The following NDUFS6 variants were observed in gnomAD, a reference collection of about 807,000 sequenced individuals.
The protein encoded by NDUFS6 is NADH dehydrogenase [ubiquinone] iron-sulfur protein 6, mitochondrial.
In NDUFS6, 14 loss-of-function variants were observed where a neutral mutation model predicts 13.2. That is an observed-to-expected ratio of 1.06 (90% CI 0.70 to 1.66). The LOEUF (loss-of-function observed/expected upper bound fraction) is 1.66, where lower values mean the gene tolerates loss of function less well. Among genes scored for constraint, NDUFS6 ranks in the 40% most tolerant of loss-of-function variants. The pLI is 0.00. For missense variants in NDUFS6, 206 were observed against 170.8 expected, an observed-to-expected ratio of 1.21 and a Z score of -1.15; for synonymous variants, 95 against 72.3, an observed-to-expected ratio of 1.31 and a Z score of -1.60.
At position 1,809,436 on chromosome 5, in the gene NDUFS6, C is replaced by T. The variant is rs985827833; in HGVS notation, c.187-4903C>T. 6.6e-5 allele frequency among the ~76,000 whole-genome samples: 10 copies of T among 152,200 alleles called. No homozygotes were observed. In the South Asian group the frequency reaches 2.1e-3, roughly 32 times the overall value. On this transcript the variant is annotated intron_variant, in intron 2 of 3. Coordinates refer to ENST00000274137, the MANE Select transcript of NDUFS6 (RefSeq NM_004553.6). ...ACTGCCGGAGCTTGGCCGTGTGAAC[C>T]CGGAGCCGGGCTCTGTGTCGTGGCT...
intron 3 of NDUFS6, among the ~76,000 whole-genome samples, chr5:1,815,021 T>C (rs1332189708): frequency 6.6e-6 from 1 of 152,104 alleles, no homozygotes; most frequent in Admixed American, 6.5e-5. Context: ...CATCACCTCT[T>C]TAAAGGCCCC....
intron 2 of NDUFS6, among the ~76,000 whole-genome samples, chr5:1,809,380 G>T (rs1265594865): frequency 2.0e-5 from 3 of 152,204 alleles, no homozygotes; most frequent in Non-Finnish European, 4.4e-5. Context: ...TGAACCCAGA[G>T]CGGGGCTTTG....
chr5:1,807,710 T>C (rs1734149211), intron 2 of NDUFS6, among the ~76,000 whole-genome samples: 1 of 152,190 alleles, frequency 6.6e-6, no homozygotes, highest in South Asian at 2.1e-4. Flanking sequence ...GGAAGAAACT[T>C]GTGACATCTT....
intron 2 of NDUFS6, among the ~76,000 whole-genome samples, chr5:1,807,959 C>T (rs765280323): frequency 2.6e-5 from 4 of 152,154 alleles, no homozygotes; most frequent in South Asian, 2.1e-4. Context: ...CTTGTGGTGC[C>T]GCTGGAGCTC....
chr5:1,801,573 G>T (rs745820468), intron 1 of NDUFS6, 24 bp downstream of exon 1: 1 of 1,560,426 alleles, frequency 6.4e-7, no homozygotes, highest in Admixed American at 1.8e-5. Flanking sequence ...GGTACAGGAT[G>T]CACCTTCCTC....
chr5:1,814,483 C>T lies in NDUFS6; in HGVS notation c.309+22C>T, dbSNP rs1313668235. 1 of 1,614,158 alleles carries T rather than the reference C, an allele frequency of 6.2e-7. No individual in the cohort carries two copies. The highest frequency in any genetic ancestry group is 1.7e-5 in the Admixed American group (1 of 60,034). ...CTTGGTGCGTAGCTGGCCACCTGTGCACATGTTAGGGCAGCCTGCTCGTCC... is the reference window on the plus strand; with the variant it reads ...CTTGGTGCGTAGCTGGCCACCTGTGTACATGTTAGGGCAGCCTGCTCGTCC... On this transcript the variant is annotated intron_variant, in intron 3 of 3. Coordinates refer to ENST00000274137, the MANE Select transcript of NDUFS6 (RefSeq NM_004553.6). This position sits in a 1 kb window ranked among gnomAD's most constrained non-coding sequence, Gnocchi z 4.9.
At chr5:1,811,666 A>T (rs1734221062) in intron 2 of NDUFS6, among the ~76,000 whole-genome samples, 1 of 152,186 alleles carries the variant, frequency 6.6e-6, no homozygotes, top group Non-Finnish European at 1.5e-5. Flanking sequence ...GATTCTACTG[A>T]CCGCATCACT....
chr5:1,802,574 T>C (rs931001671), intron 2 of NDUFS6, among the ~76,000 whole-genome samples, 200 bp downstream of exon 2: 6 of 152,234 alleles, frequency 3.9e-5, no homozygotes, highest in African/African-American at 1.2e-4. Flanking sequence ...ATACATAACA[T>C]TGTAGCCGTA....
intron 1 of NDUFS6, 35 bp downstream of exon 1, chr5:1,801,584 C>A (rs776487961): frequency 6.5e-7 from 1 of 1,546,408 alleles, no homozygotes; most frequent in East Asian, 2.4e-5. Context: ...CACCTTCCTC[C>A]AGCCGCACCT....
chr5:1,808,129 T>C (rs781243156), intron 2 of NDUFS6, among the ~76,000 whole-genome samples: 3 of 152,122 alleles, frequency 2.0e-5, no homozygotes, highest in Non-Finnish European at 2.9e-5. Flanking sequence ...GTGGCAGAGG[T>C]GGAGCTCTGT....
rs566093533 is a variant in NDUFS6, at chr5:1,808,245, G to A, written c.186+5871G>A. Among the ~76,000 whole-genome samples the A allele has an allele frequency of 2.6e-5, 4 of 152,294 alleles. No individual in the cohort carries two copies. The South Asian group carries it at 8.3e-4, about 32-fold the overall frequency. On this transcript the variant is annotated intron_variant, in intron 2 of 3. Transcript: ENST00000274137. ...TCCTTTAGGGGGTGTTTGAGACGCG[G>A]GCGGTGCGATGTGCGCCATGGCTGC... is the stretch of plus-strand genomic sequence containing the variant.
chr5:1,802,915 T>TA (rs1464579776), intron 2 of NDUFS6, among the ~76,000 whole-genome samples: 2 of 107,382 alleles, frequency 1.9e-5, no homozygotes, highest in Non-Finnish European at 5.0e-5. Context: ...TAAATCAGCC[T>TA]ATTTTTTTTT....
At chr5:1,809,146 C>T (rs1012041099) in intron 2 of NDUFS6, among the ~76,000 whole-genome samples, 6 of 152,170 alleles carry the variant, frequency 3.9e-5, no homozygotes, top group African/African-American at 1.2e-4. Flanking sequence ...ATCAAGAGGT[C>T]AATGGAAAGA....
At chr5:1,810,773 G>T (rs1734206611) in intron 2 of NDUFS6, among the ~76,000 whole-genome samples, 1 of 151,886 alleles carries the variant, frequency 6.6e-6, no homozygotes, top group African/African-American at 2.4e-5. Flanking sequence ...ATCGTTGTCG[G>T]AGTGGCCAGT....
In NDUFS6 at chr5:1,814,326, C is replaced by A. The variant is rs1000392603; in HGVS notation, c.187-13C>A. 3.1e-6 allele frequency: 5 copies of A among 1,614,088 alleles called. No homozygotes were observed. The highest frequency in any genetic ancestry group is 1.7e-5 in the Admixed American group (1 of 60,002). Reference sequence around the variant, plus strand: ...TGTGTATTTGTTTACGTAAGTCTTTCTTCTTGTTCCAGGTGAATGAAAACT... The same window carrying A: ...TGTGTATTTGTTTACGTAAGTCTTTATTCTTGTTCCAGGTGAATGAAAACT... On this transcript the variant is annotated splice_polypyrimidine_tract_variant and intron_variant, in intron 2 of 3. Coordinates refer to ENST00000274137, the MANE Select transcript of NDUFS6 (RefSeq NM_004553.6). The surrounding 1 kb of genome is among the most constrained non-coding windows in gnomAD (Gnocchi z 4.9).
rs1490689807 is a variant in NDUFS6 at position 1,814,252 on chromosome 5, G to A, written c.187-87G>A. On this transcript the variant is annotated intron_variant, in intron 2 of 3. Coordinates refer to ENST00000274137, the MANE Select transcript of NDUFS6 (RefSeq NM_004553.6). The surrounding 1 kb of genome is among the most constrained non-coding windows in gnomAD (Gnocchi z 4.9). ...CATGCACCATAGATTCGTGCTGATG[G>A]TACATGAATTTGTGTGTGGTGGGTT... is the stretch of plus-strand genomic sequence containing the variant. The A allele has an allele frequency of 3.2e-6, 5 of 1,561,608 alleles. No homozygotes were observed. In the East Asian group the frequency reaches 1.1e-4, roughly 35 times the overall value.
intron 2 of NDUFS6, among the ~76,000 whole-genome samples, chr5:1,808,195 C>T (rs891993981): frequency 6.6e-6 from 1 of 152,302 alleles, no homozygotes; most frequent in South Asian, 2.1e-4. Flanking sequence ...GCCTGAGTCT[C>T]TCTTGTCTTG....
At chr5:1,802,071 C>T (rs1022569152) in intron 1 of NDUFS6, 4 of 514,222 alleles carry the variant, frequency 7.8e-6, no homozygotes, top group African/African-American at 5.8e-5. Flanking sequence ...GGATTTGTCT[C>T]TCCTCCTTAG....
chr5:1,806,520 A>G (rs1030810579), intron 2 of NDUFS6, among the ~76,000 whole-genome samples: 3 of 152,326 alleles, frequency 2.0e-5, no homozygotes, highest in South Asian at 2.1e-4. Flanking sequence ...ACGCGGTGCA[A>G]ATGTCTACCT....
Sources: allele counts gnomAD v4.1 joint callset (sites outside exome capture counted in the v4.1 genomes callset), GRCh38; gene constraint gnomAD v4.1.1; non-coding constraint Gnocchi (gnomAD v3.1); transcripts MANE v1.5; gene names NCBI Gene and HGNC (gene_info 2026-07-23, HGNC 2026-07-21).